Variants in MMP24 observed in about 807,000 individuals in gnomAD.
MMP24 encodes matrix metallopeptidase 24, also known as matrix metalloproteinase-24.
In MMP24, 25 loss-of-function variants were observed where a neutral mutation model predicts 62.8. That is an observed-to-expected ratio of 0.40 (90% CI 0.29 to 0.56). The LOEUF (loss-of-function observed/expected upper bound fraction) is 0.56. Among genes scored for constraint, MMP24 ranks in the 20% least tolerant of loss-of-function variants. The pLI, the probability that MMP24 is intolerant of heterozygous loss-of-function variation, is 0.50. For missense variants in MMP24, 634 were observed against 853.6 expected, an observed-to-expected ratio of 0.74 and a Z score of 3.21; for synonymous variants, 319 against 350.5, an observed-to-expected ratio of 0.91 and a Z score of 1.00.
chr20:35,232,586 G>A (rs1338823478), intron 1 of MMP24, among the ~76,000 whole-genome samples: 1 of 152,210 alleles, frequency 6.6e-6, no homozygotes, highest in Non-Finnish European at 1.5e-5. Flanking sequence ...TGGTATCTGA[G>A]ATGAACCTTT....
chr20:35,230,151 G>A (rs1012825029), intron 1 of MMP24, among the ~76,000 whole-genome samples: 5 of 151,990 alleles, frequency 3.3e-5, no homozygotes, highest in East Asian at 1.9e-4. Context: ...CACCACGCCC[G>A]GTTAATTTTT....
intron 4 of MMP24, among the ~76,000 whole-genome samples, chr20:35,260,719 C>A (rs1417470767): frequency 6.6e-6 from 1 of 152,268 alleles, no homozygotes; most frequent in Non-Finnish European, 1.5e-5. Flanking sequence ...TTTGGCCAAC[C>A]TTGCACTGAT....
Position 35,254,621 on chromosome 20 carries a change from C to G in MMP24, c.684C>G (p.Phe228Leu), listed in dbSNP as rs199700844. 6.2e-7 allele frequency: 1 copy of G among 1,614,212 alleles called. No individual in the cohort carries two copies. The highest frequency in any genetic ancestry group is 2.2e-5 in the East Asian group (1 of 44,882). Residue 228 changes from phenylalanine to leucine, a missense_variant, in exon 4 of 9, where the codon TTC (phenylalanine) becomes TTG (leucine). Phe to Leu is a conservative substitution (Grantham distance 22). Transcript: ENST00000246186. ...ADIMIFFASG[F>L]HGDSSPFDGE... The stretch of plus-strand genomic sequence containing the variant: ...TCATGATCTTTTTTGCTTCTGGTTT[C>G]CATGGCGACAGCTCCCCATTTGATG...
In MMP24 at chr20:35,271,709, A is replaced by G. The variant is rs995050607; in HGVS notation, c.1474A>G (p.Lys492Glu). 1 of 1,606,900 alleles carries G rather than the reference A, an allele frequency of 6.2e-7. No homozygotes were observed. The highest frequency in any genetic ancestry group is 8.5e-7 in the Non-Finnish European group (1 of 1,177,006). Residue 492 changes from lysine to glutamate, a missense_variant, in exon 8 of 9, where the codon AAA becomes GAA. Physicochemically the swap from Lys to Glu is moderately conservative, Grantham distance 56. This residue lies in a region of MMP24 where 399 missense variants were observed against 530.8 expected (regional missense o/e 0.75). Coordinates refer to ENST00000246186, the MANE Select transcript of MMP24 (RefSeq NM_006690.4). This position sits in a 1 kb window ranked among gnomAD's most constrained non-coding sequence, Gnocchi z 4.0. The stretch of plus-strand genomic sequence containing the variant: ...ACCTGTGGGCAAGACCTACTTTTTC[A>G]AAGGCGAGCGGTACTGGCGCTACAG... ...WEPVGKTYFF[K>E]GERYWRYSEE...
At chr20:35,228,126 G>T (rs189363294) in intron 1 of MMP24, among the ~76,000 whole-genome samples, 4 of 152,320 alleles carry the variant, frequency 2.6e-5, no homozygotes, top group Admixed American at 6.5e-5. Context: ...TTGTTTAGAA[G>T]AATCTGCCTC....
chr20:35,247,269 G>C (rs74461681), intron 2 of MMP24, among the ~76,000 whole-genome samples: 5,404 of 152,236 alleles, frequency 0.035, 323 homozygotes, highest in African/African-American at 0.12. Flanking sequence ...TATAGATGGG[G>C]TCTTAAATCC....
At chr20:35,267,523 A>C in intron 6 of MMP24, 104 bp downstream of exon 6, 6 of 1,218,814 alleles carry the variant, frequency 4.9e-6, no homozygotes, top group Non-Finnish European at 6.9e-6. Context: ...TTCGATTACA[A>C]TGGGGCCTGG....
chr20:35,230,429 A>G (rs1286736218), intron 1 of MMP24, among the ~76,000 whole-genome samples: 1 of 152,236 alleles, frequency 6.6e-6, no homozygotes, highest in East Asian at 1.9e-4. Context: ...TAAGTATTCA[A>G]TGAGCAATCA....
In MMP24 at chr20:35,274,701, G is replaced by T. The variant is rs866770369; in HGVS notation, c.*92G>T. 2 of 1,126,808 alleles carry T rather than the reference G, an allele frequency of 1.8e-6. No individual in the cohort carries two copies. The highest frequency in any genetic ancestry group is 1.6e-5 in the African/African-American group (1 of 63,638). 69.8% of individuals were successfully genotyped at this position (1,126,808 alleles called of 1,614,324 possible). ...GGCAGCTCTGGCCAGTGCTCACCAG[G>T]GCCAGCAGGGCCCTAGGCTGGGGTC... On this transcript the variant is annotated 3_prime_UTR_variant, in exon 9 of 9. Transcript: ENST00000246186. This position sits in a 1 kb window ranked among gnomAD's most constrained non-coding sequence, Gnocchi z 5.1.
intron 1 of MMP24, among the ~76,000 whole-genome samples, chr20:35,233,095 G>A (rs754872247): frequency 1.3e-5 from 2 of 152,232 alleles, no homozygotes; most frequent in African/African-American, 2.4e-5. Context: ...AAACACTTAC[G>A]AGGCATAAAG....
chr20:35,261,790 G>T (rs1360404685), intron 4 of MMP24, among the ~76,000 whole-genome samples: 1 of 144,348 alleles, frequency 6.9e-6, no homozygotes, highest in Non-Finnish European at 1.5e-5. Flanking sequence ...CCACCTCAGG[G>T]CATCCTTTTT....
At chr20:35,236,077 T>C (rs976361245) in intron 1 of MMP24, 2 of 152,188 alleles carry the variant, frequency 1.3e-5, no homozygotes, top group Admixed American at 6.5e-5. Flanking sequence ...GCTAGTGCAC[T>C]TACCACCCAC....
chr20:35,226,938 T>C lies in MMP24; in HGVS notation c.200T>C (p.Val67Ala), dbSNP rs2060415984. The change falls in exon 1 of 9, where the codon GTG becomes GCG. Residue 67 changes from valine to alanine, a missense_variant. Physicochemically the swap from Val to Ala is moderately conservative, Grantham distance 64 (BLOSUM62 0). Around this residue, in one of 3 missense-constraint regions of MMP24, gnomAD observed 212 missense variants for 259.6 expected, o/e 0.82. Coordinates refer to ENST00000246186, the MANE Select transcript of MMP24 (RefSeq NM_006690.4). ...GCAGGGAACCGGGCAGCGGTGGCGGTGGCGGTGGCGCGGGCGGACGAGGCG... is the reference window on the plus strand; with the variant it reads ...GCAGGGAACCGGGCAGCGGTGGCGGCGGCGGTGGCGCGGGCGGACGAGGCG... ...AGAGNRAAVA[V>A]AVARADEAEA... The C allele has an allele frequency of 1.0e-6, 1 of 977,492 alleles. No homozygotes were observed. The highest frequency in any genetic ancestry group is 6.4e-5 in the Admixed American group (1 of 15,562). 60.6% of individuals were successfully genotyped at this position (977,492 alleles called of 1,614,324 possible).
intron 1 of MMP24, among the ~76,000 whole-genome samples, chr20:35,238,898 T>C (rs2060475704): frequency 6.6e-6 from 1 of 152,118 alleles, no homozygotes; most frequent in Non-Finnish European, 1.5e-5. Context: ...GTTTTTGGTT[T>C]TTGTTTTTGT....
intron 1 of MMP24, among the ~76,000 whole-genome samples, chr20:35,242,527 C>T (rs917548851): frequency 5.3e-5 from 8 of 152,120 alleles, no homozygotes; most frequent in South Asian, 2.1e-4. Context: ...AAAAGGGAAA[C>T]GCATTGGGTT....
Position 35,246,886 on chromosome 20 carries a change from C to A in MMP24, c.293C>A (p.Ala98Glu). The change falls in exon 2 of 9, where the codon GCA becomes GAA. Residue 98 changes from alanine (A) to glutamate (E), a missense_variant. Around this residue, in one of 3 missense-constraint regions of MMP24, gnomAD observed 212 missense variants for 259.6 expected, o/e 0.82. Coordinates refer to ENST00000246186, the MANE Select transcript of MMP24 (RefSeq NM_006690.4). Reference protein sequence around the residue: ...YGYLLPYDSRASALHSAKALQ... With the variant: ...YGYLLPYDSRESALHSAKALQ... The stretch of plus-strand genomic sequence containing the variant: ...TATCTGCTTCCCTATGACTCACGGG[C>A]ATCTGCGCTGCACTCAGCGAAGGCC... 1 of 1,614,006 alleles carries A rather than the reference C, an allele frequency of 6.2e-7. No homozygotes were observed. The highest frequency in any genetic ancestry group is 8.5e-7 in the Non-Finnish European group (1 of 1,179,856).
chr20:35,273,699 C>T (rs949828093), intron 8 of MMP24, among the ~76,000 whole-genome samples: 11 of 152,194 alleles, frequency 7.2e-5, no homozygotes, highest in Non-Finnish European at 1.3e-4. Flanking sequence ...GCCGCTCAGG[C>T]TGTTGCTCGA....
chr20:35,263,594 A>T, intron 4 of MMP24, 197 bp from the exon 5 acceptor site: 1 of 427,234 alleles, frequency 2.3e-6, no homozygotes, highest in Non-Finnish European at 4.1e-6. Context: ...CTCACTTGTC[A>T]CTCTCTCTCT....
chr20:35,262,593 G>GT (rs2060609807), intron 4 of MMP24: 1 of 149,124 alleles, frequency 6.7e-6, no homozygotes, highest in Non-Finnish European at 1.5e-5. Context: ...GGACGGGCAG[G>GT]AGACAGATGC....
Sources: allele counts gnomAD v4.1 joint callset (sites outside exome capture counted in the v4.1 genomes callset), GRCh38; gene constraint gnomAD v4.1.1; regional missense constraint gnomAD v4.1.1; non-coding constraint Gnocchi (gnomAD v3.1); transcripts MANE v1.5; gene names NCBI Gene and HGNC (gene_info 2026-07-23, HGNC 2026-07-21).